Variants in EPHA7 observed in about 807,000 individuals in gnomAD.
EPHA7 encodes the protein EPH receptor A7, also known as ephrin type-A receptor 7.
EPHA7 carries 25 observed loss-of-function variants against 112.6 expected under a neutral mutation model. The ratio of observed to expected loss-of-function variants is 0.22; its 90% CI spans 0.16 to 0.31. The LOEUF (loss-of-function observed/expected upper bound fraction) is 0.31, where lower values mean the gene tolerates loss of function less well. Ranked by LOEUF, EPHA7 falls within the 10% of genes least tolerant of loss-of-function variation. The pLI is 1.00. For synonymous variants in EPHA7, 437 were observed against 406.5 expected (o/e 1.07, Z -0.90); for missense variants, 962 against 1,212.6 (o/e 0.79, Z 3.07).
At chr6:93,281,585 C>T (rs1771740366) in intron 5 of EPHA7, among the ~76,000 whole-genome samples, 1 of 152,152 alleles carries the variant, frequency 6.6e-6, no homozygotes, top group African/African-American at 2.4e-5. Flanking sequence ...CATGTCTACG[C>T]ACACACACAA....
intron 5 of EPHA7, among the ~76,000 whole-genome samples, chr6:93,320,024 T>A (rs1216658034): frequency 6.6e-6 from 1 of 151,988 alleles, no homozygotes; most frequent in Non-Finnish European, 1.5e-5. Context: ...ATAAATTGGA[T>A]AAAATATTAT....
At chr6:93,262,681 A>G (rs1770744412) in intron 9 of EPHA7, among the ~76,000 whole-genome samples, 1 of 151,370 alleles carries the variant, frequency 6.6e-6, no homozygotes, top group African/African-American at 2.4e-5. Flanking sequence ...TTCTTATTCA[A>G]TTTGTATTTG....
chr6:93,361,367 A>G (rs1776252627), intron 3 of EPHA7, among the ~76,000 whole-genome samples: 1 of 151,718 alleles, frequency 6.6e-6, no homozygotes, highest in Non-Finnish European at 1.5e-5. Flanking sequence ...AGCCAAGAAC[A>G]TGCAAAAAAA....
intron 5 of EPHA7, among the ~76,000 whole-genome samples, chr6:93,304,825 GC>G (rs1319972461): frequency 6.6e-6 from 1 of 151,952 alleles, no homozygotes; most frequent in Non-Finnish European, 1.5e-5. Context: ...CAAAAGACAT[GC>G]CTCAGCCTCA....
chr6:93,303,727 A>G (rs1361443063), intron 5 of EPHA7, among the ~76,000 whole-genome samples: 1 of 152,148 alleles, frequency 6.6e-6, no homozygotes, highest in Admixed American at 6.6e-5. Context: ...ATCGGTAGAT[A>G]GGTGATTTAT....
At chr6:93,255,181 T>TA (rs1189187123) in intron 13 of EPHA7, among the ~76,000 whole-genome samples, 1 of 109,444 alleles carries the variant, frequency 9.1e-6, no homozygotes, top group African/African-American at 2.9e-5. Context: ...CCGTCTCTAC[T>TA]AAAAATACAA....
chr6:93,249,999 A>G (rs1770133903), intron 14 of EPHA7, among the ~76,000 whole-genome samples: 1 of 152,184 alleles, frequency 6.6e-6, no homozygotes. Context: ...TTGTTATTGT[A>G]GAGAAACAAC....
intron 5 of EPHA7, among the ~76,000 whole-genome samples, chr6:93,314,925 C>T (rs1342268667): frequency 2.2e-5 from 3 of 137,284 alleles, no homozygotes; most frequent in South Asian, 2.2e-4. Context: ...TGCAGTGGCG[C>T]GATCTCGGCT....
chr6:93,258,199 A>G lies in EPHA7; in HGVS notation c.2010T>C (p.Gly670=). ...AGTCTCTCCTTTGTTTTTCTGTGTA[A>G]CCAACTTTCAGGGTTTTTATGGCTA... The part of the protein sequence containing the change: ...VAVAIKTLKV[G]YTEKQRRDFL... The change falls in exon 11 of 17, where the codon GGT becomes GGC. Residue 670 remains glycine (G), a synonymous_variant. Transcript: ENST00000369303. 1.2e-6 allele frequency: 2 copies of G among 1,613,388 alleles called. No homozygotes were observed. The highest frequency in any genetic ancestry group is 1.7e-6 in the Non-Finnish European group (2 of 1,179,612).
chr6:93,419,369 T>G lies in EPHA7; in HGVS notation c.-28A>C, dbSNP rs1562176734. ...TGCATGAGCAGGTTTTATTTTAGGT[T>G]TCAGTTATCTTGAGTCGTGGATTTT... On this transcript the variant is annotated 5_prime_UTR_variant, in exon 1 of 17. Transcript: ENST00000369303. The G allele has an allele frequency of 6.4e-7, 1 of 1,570,792 alleles. No homozygotes were observed. The highest frequency in any genetic ancestry group is 8.8e-7 in the Non-Finnish European group (1 of 1,142,370).
At chr6:93,293,336 A>T (rs534836462) in intron 5 of EPHA7, among the ~76,000 whole-genome samples, 1 of 152,262 alleles carries the variant, frequency 6.6e-6, no homozygotes, top group Non-Finnish European at 1.5e-5. Context: ...AAGAATTATT[A>T]ATGAATTCTG....
intron 5 of EPHA7, among the ~76,000 whole-genome samples, chr6:93,321,490 C>T (rs1243270047): frequency 1.3e-5 from 2 of 151,826 alleles, no homozygotes; most frequent in East Asian, 3.9e-4. Context: ...CTAATTAGTG[C>T]TCTTCTTATT....
At chr6:93,417,206 A>C (rs890002685) in intron 1 of EPHA7, among the ~76,000 whole-genome samples, 2 of 152,128 alleles carry the variant, frequency 1.3e-5, no homozygotes, top group Non-Finnish European at 2.9e-5. Flanking sequence ...AAGTGAGGGA[A>C]GGGGGTTTCT....
intron 5 of EPHA7, among the ~76,000 whole-genome samples, chr6:93,342,010 A>T (rs1775162788): frequency 6.6e-6 from 1 of 151,756 alleles, no homozygotes; most frequent in Admixed American, 6.6e-5. Context: ...ACTCAAGCAC[A>T]CATAATTCTG....
chr6:93,391,614 G>A (rs1260746707), intron 3 of EPHA7, among the ~76,000 whole-genome samples: 1 of 151,858 alleles, frequency 6.6e-6, no homozygotes, highest in African/African-American at 2.4e-5. Context: ...AGAACTTCTT[G>A]ACCTGAGAAA....
In EPHA7 at chr6:93,257,472, G is replaced by A. The variant is rs1770489358; in HGVS notation, c.2162C>T (p.Ala721Val). The A allele has an allele frequency of 1.2e-6, 2 of 1,608,834 alleles. No individual in the cohort carries two copies. The highest frequency in any genetic ancestry group is 1.3e-5 in the African/African-American group (1 of 74,704). Reference sequence around the variant, plus strand: ...CACTTTGGTACTTACCCTGAGAAATGCATCTAGGGCTCCATTTTCCATGAA... The same window carrying A: ...CACTTTGGTACTTACCCTGAGAAATACATCTAGGGCTCCATTTTCCATGAA... ...IEFMENGALDAFLRKHDGQFT... is the reference protein window; with the variant it reads ...IEFMENGALDVFLRKHDGQFT... The change falls in exon 12 of 17, where the codon GCA (alanine) becomes GTA (valine). Residue 721 changes from alanine to valine, a missense_variant. This residue lies in a region of EPHA7 where 746 missense variants were observed against 889.2 expected (regional missense o/e 0.84). Transcript: ENST00000369303.
At chr6:93,300,754 T>C (rs1439815903) in intron 5 of EPHA7, among the ~76,000 whole-genome samples, 1 of 152,214 alleles carries the variant, frequency 6.6e-6, no homozygotes, top group Admixed American at 6.5e-5. Context: ...AGTCTCTTAA[T>C]TTGTTCTGTT....
chr6:93,367,166 T>C (rs1776555483), intron 3 of EPHA7, among the ~76,000 whole-genome samples: 1 of 152,166 alleles, frequency 6.6e-6, no homozygotes, highest in Admixed American at 6.5e-5. Context: ...CACCATTTTA[T>C]TCTACTAAAA....
chr6:93,349,175 T>C (rs1020041506), intron 5 of EPHA7, among the ~76,000 whole-genome samples: 2 of 151,836 alleles, frequency 1.3e-5, no homozygotes, highest in African/African-American at 2.4e-5. Flanking sequence ...AATAGTTATC[T>C]AAAATATCAT....
Sources: allele counts gnomAD v4.1 joint callset (sites outside exome capture counted in the v4.1 genomes callset), GRCh38; gene constraint gnomAD v4.1.1; regional missense constraint gnomAD v4.1.1; transcripts MANE v1.5; gene names NCBI Gene and HGNC (gene_info 2026-07-23, HGNC 2026-07-21).